FSIP2: variants seen among roughly 807,000 people sequenced by gnomAD.
FSIP2 encodes the protein fibrous sheath interacting protein 2, also known as fibrous sheath-interacting protein 2.
A neutral mutation model predicts 510.5 loss-of-function variants in FSIP2; 367 were observed. The observed-to-expected ratio is 0.72, with a 90% CI of 0.66 to 0.78. The LOEUF is 0.78. FSIP2 is among the 30% of genes least tolerant of loss of function. The pLI is 0.00. For missense variants in FSIP2, 7,594 were observed against 7,901.7 expected (o/e 0.96, Z 1.48); for synonymous variants, 2,601 against 2,732.2 (o/e 0.95, Z 1.50).
In FSIP2 at chr2:185,805,225, G is replaced by C. The variant is rs1379066131; in HGVS notation, c.15919G>C (p.Asp5307His). The change falls in exon 17 of 23, where the codon GAT (aspartate) becomes CAT (histidine). Residue 5307 changes from aspartate to histidine, a missense_variant. Physicochemically the swap from Asp to His is moderately conservative, Grantham distance 81. Coordinates refer to ENST00000424728, the MANE Select transcript of FSIP2 (RefSeq NM_173651.4). ...DSKKNEMAEL[D>H]IMGLALKLAN... ...TAAGAAAAATGAAATGGCAGAGCTA[G>C]ATATTATGGGCTTGGCTCTAAAACT... is the stretch of plus-strand genomic sequence containing the variant. 4.4e-6 allele frequency: 7 copies of C among 1,600,098 alleles called. No individual in the cohort carries two copies. Among genetic ancestry groups the C allele is most frequent in the Non-Finnish European group, 6.0e-6 (7 of 1,174,836 alleles).
Position 185,801,386 on chromosome 2 carries a change from G to T in FSIP2, c.12080G>T (p.Arg4027Leu), listed in dbSNP as rs747969382. ...AATAATGCTCAAGTCACTGTTCTAC[G>T]GAATGCTGAAGAAAGGCTGTGTTTT... ...EFNNAQVTVL[R>L]NAEERLCFPP... The change falls in exon 17 of 23, where the codon CGG becomes CTG. Residue 4027 changes from arginine (R) to leucine (L), a missense_variant. By Grantham distance (102) the Arg-to-Leu change is moderately radical. Transcript: ENST00000424728. 1 of 1,533,884 alleles carries T rather than the reference G, an allele frequency of 6.5e-7. No homozygotes were observed. The highest frequency in any genetic ancestry group is 2.0e-5 in the Admixed American group (1 of 50,826).
intron 4 of FSIP2, chr2:185,744,972 G>C (rs984822965): frequency 2.9e-5 from 2 of 69,882 alleles, no homozygotes; most frequent in Non-Finnish European, 6.6e-5. Flanking sequence ...AGGTGTGTGT[G>C]TGTGGGGTGT....
At position 185,808,832 on chromosome 2, in the gene FSIP2, A is replaced by G. The variant is rs757421071; in HGVS notation, c.19526A>G (p.Asp6509Gly). ...VIPELEQEKL[D>G]QNLSEEESPI... ...CCTGAATTAGAGCAAGAAAAGTTAG[A>G]TCAAAATTTATCTGAAGAGGAATCT... Residue 6509 changes from aspartate to glycine, a missense_variant, in exon 17 of 23, where the codon GAT becomes GGT. Physicochemically the swap from Asp to Gly is moderately conservative, Grantham distance 94. Coordinates refer to ENST00000424728, the MANE Select transcript of FSIP2 (RefSeq NM_173651.4). 1.9e-6 allele frequency: 3 copies of G among 1,612,672 alleles called. No homozygotes were observed. Among genetic ancestry groups the G allele is most frequent in the Non-Finnish European group, 2.5e-6 (3 of 1,179,352 alleles).
intron 14 of FSIP2, chr2:185,783,615 T>C (rs148438123): frequency 1.3e-5 from 2 of 152,290 alleles, no homozygotes; most frequent in Admixed American, 6.5e-5. Flanking sequence ...ATTCATATGA[T>C]ACATAACACT....
At chr2:185,821,657 C>A (rs1693922256) in intron 19 of FSIP2, among the ~76,000 whole-genome samples, 1 of 151,842 alleles carries the variant, frequency 6.6e-6, no homozygotes, top group African/African-American at 2.4e-5. Context: ...GGCACAGTGA[C>A]TCATGCCTGT....
At position 185,813,993 on chromosome 2, in the gene FSIP2, C is replaced by G; in HGVS notation, c.20276C>G (p.Thr6759Arg). 1 of 1,613,284 alleles carries G rather than the reference C, an allele frequency of 6.2e-7. No individual in the cohort carries two copies. Among genetic ancestry groups the G allele is most frequent in the Non-Finnish European group, 8.5e-7 (1 of 1,179,598 alleles). ...VAELDMATPK[T>R]MPETASSSWE... is the part of the protein sequence containing the mutation. ...GAGCTTGACATGGCCACACCAAAGA[C>G]GATGCCTGAAACAGCCTCTTCATCT... The change falls in exon 18 of 23, where the codon ACG becomes AGG. Residue 6759 changes from threonine to arginine, a missense_variant. Thr to Arg is a moderately conservative substitution (Grantham distance 71). Transcript: ENST00000424728.
At chr2:185,759,114 C>A (rs2105553341) in intron 9 of FSIP2, among the ~76,000 whole-genome samples, 1 of 151,032 alleles carries the variant, frequency 6.6e-6, no homozygotes, top group African/African-American at 2.4e-5. Flanking sequence ...TGTTCCAAAA[C>A]ATAAGGGAAA....
intron 13 of FSIP2, among the ~76,000 whole-genome samples, chr2:185,773,757 T>C (rs1044261665): frequency 9.9e-5 from 15 of 152,220 alleles, no homozygotes; most frequent in African/African-American, 3.1e-4. Context: ...TTTCTAAATC[T>C]ATTTCTGTTG....
chr2:185,807,508 C>T lies in FSIP2; in HGVS notation c.18202C>T (p.Gln6068Ter). Residue 6068 changes from glutamine to a stop codon, truncating the protein, a stop_gained, in exon 17 of 23, where the codon CAG (glutamine) becomes TAG (stop). Coordinates refer to ENST00000424728, the MANE Select transcript of FSIP2 (RefSeq NM_173651.4). LOFTEE classifies it high-confidence loss of function. ...EISQDKYMTI[Q>*]YVETLQSDDD... Reference sequence around the variant, plus strand: ...CTCCCAAGATAAATATATGACTATACAGTATGTAGAAACCTTACAATCTGA... The same window carrying T: ...CTCCCAAGATAAATATATGACTATATAGTATGTAGAAACCTTACAATCTGA... The T allele has an allele frequency of 6.2e-7, 1 of 1,611,058 alleles. No homozygotes were observed. The highest frequency in any genetic ancestry group is 8.5e-7 in the Non-Finnish European group (1 of 1,177,984).
rs1574165947 is a variant in FSIP2 at position 185,769,107 on chromosome 2, G to T, written c.1411+4542G>T. ...CTGCAATGAACATACACATGCGTGT[G>T]TCTTTATGATAGAATGGTGTATGGT... On this transcript the variant is annotated intron_variant, in intron 13 of 22. Transcript: ENST00000424728. Among the ~76,000 whole-genome samples the T allele has an allele frequency of 3.3e-5, 5 of 152,152 alleles. No homozygotes were observed. In the South Asian group the frequency reaches 1.0e-3, roughly 32 times the overall value.
chr2:185,744,546 A>C (rs1691986032), intron 4 of FSIP2, 135 bp downstream of exon 4: 2 of 249,500 alleles, frequency 8.0e-6, no homozygotes, highest in African/African-American at 4.5e-5. Context: ...TCCAAGTGAA[A>C]ATTTACAGTA....
chr2:185,771,986 A>G (rs555009819), intron 13 of FSIP2, among the ~76,000 whole-genome samples: 2 of 152,362 alleles, frequency 1.3e-5, no homozygotes, highest in Non-Finnish European at 2.9e-5. Context: ...ACTGTAAGAC[A>G]TCACTCTTTA....
At position 185,789,866 on chromosome 2, in the gene FSIP2, T is replaced by C. The variant is rs1693077854; in HGVS notation, c.2730T>C (p.Asn910=). The C allele has an allele frequency of 6.5e-7, 1 of 1,530,860 alleles. No homozygotes were observed. The highest frequency in any genetic ancestry group is 1.2e-5 in the South Asian group (1 of 83,904). 94.8% of individuals were successfully genotyped at this position (1,530,860 alleles called of 1,614,324 possible). A position where few individuals can be genotyped will look rare whatever the true frequency, so the allele number is the denominator to read the frequency against. ...TTGCTTATATAGAGGAAGCAATCAA[T>C]GCTATACTAGGTTATATACAAACTG... The part of the protein sequence containing the change: ...SLVAYIEEAI[N]AILGYIQTEL... Residue 910 remains asparagine (N), a synonymous_variant, in exon 16 of 23, where the codon AAT becomes AAC. Transcript: ENST00000424728.
intron 8 of FSIP2, 150 bp downstream of exon 8, chr2:185,753,992 A>G: frequency 2.3e-6 from 1 of 443,632 alleles, no homozygotes; most frequent in Non-Finnish European, 3.8e-6. Flanking sequence ...GTTCAAGTTG[A>G]AAAGTAGGCA....
At chr2:185,781,011 C>G (rs1692837566) in intron 13 of FSIP2, among the ~76,000 whole-genome samples, 1 of 151,804 alleles carries the variant, frequency 6.6e-6, no homozygotes, top group East Asian at 1.9e-4. Flanking sequence ...CCTTCTCCAC[C>G]CACAGCCAAA....
Position 185,801,443 on chromosome 2 carries a change from T to C in FSIP2, c.12137T>C (p.Ile4046Thr), listed in dbSNP as rs563400442. The C allele has an allele frequency of 1.3e-5, 20 of 1,533,940 alleles. No homozygotes were observed. The South Asian group carries it at 2.1e-4, about 16-fold the overall frequency. Residue 4046 changes from isoleucine (I) to threonine (T), a missense_variant, in exon 17 of 23, where the codon ATT (isoleucine) becomes ACT (threonine). Physicochemically the swap from Ile to Thr is moderately conservative, Grantham distance 89. Transcript: ENST00000424728. ...GTTCATACAGAAACTGTTAGCAAAA[T>C]TGTTGACTCAGTTTATTATGATGTT... ...PPVHTETVSKIVDSVYYDVLQ... is the reference protein window; with the variant it reads ...PPVHTETVSKTVDSVYYDVLQ...
chr2:185,769,100 T>C (rs1209080348), intron 13 of FSIP2, among the ~76,000 whole-genome samples: 1 of 152,194 alleles, frequency 6.6e-6, no homozygotes, highest in Non-Finnish European at 1.5e-5. Context: ...AACATACACA[T>C]GCGTGTGTCT....
At position 185,761,076 on chromosome 2, in the gene FSIP2, T is replaced by C; in HGVS notation, c.1167T>C (p.Asp389=). 1 of 1,445,824 alleles carries C rather than the reference T, an allele frequency of 6.9e-7. No individual in the cohort carries two copies. Among genetic ancestry groups the C allele is most frequent in the Non-Finnish European group, 9.3e-7 (1 of 1,071,646 alleles). 89.6% of individuals were successfully genotyped at this position (1,445,824 alleles called of 1,614,324 possible). ...CAGCTTCTGTTGTTTATCAGGCAGA[T>C]GTACAGGATAATGGTATAAATCAAA... The part of the protein sequence containing the change: ...KNSASVVYQA[D]VQDNGINQKR... Residue 389 remains aspartate, a synonymous_variant, in exon 10 of 23, where the codon GAT becomes GAC. Coordinates refer to ENST00000424728, the MANE Select transcript of FSIP2 (RefSeq NM_173651.4).
At position 185,796,095 on chromosome 2, in the gene FSIP2, C is replaced by G; in HGVS notation, c.8959C>G (p.Gln2987Glu). The G allele has an allele frequency of 6.5e-7, 1 of 1,533,412 alleles. No homozygotes were observed. Among genetic ancestry groups the G allele is most frequent in the Non-Finnish European group, 8.7e-7 (1 of 1,145,718 alleles). 95.0% of individuals were successfully genotyped at this position (1,533,412 alleles called of 1,614,324 possible). A position where few individuals can be genotyped will look rare whatever the true frequency, so the allele number is the denominator to read the frequency against. ...CCAAATTTCTGTGGGCTCCAGCAAC[C>G]AAATTGTTCAAGAGATTGTAGAAAC... ...KDQISVGSSN[Q>E]IVQEIVETVL... The change falls in exon 16 of 23, where the codon CAA (glutamine) becomes GAA (glutamate). Residue 2987 changes from glutamine to glutamate, a missense_variant. Gln to Glu is a conservative substitution (Grantham distance 29). Coordinates refer to ENST00000424728, the MANE Select transcript of FSIP2 (RefSeq NM_173651.4).
Sources: gnomAD v4.1 joint callset for allele counts (sites outside exome capture counted in the v4.1 genomes callset) on GRCh38, gnomAD v4.1.1 for gene constraint, MANE v1.5 for transcripts, NCBI Gene and HGNC (gene_info 2026-07-23, HGNC 2026-07-21) for gene names.